The following RBFOX3 variants were observed in gnomAD, a reference collection of about 807,000 sequenced individuals.
The protein encoded by RBFOX3 is RNA binding protein fox-1 homolog 3.
A neutral mutation model predicts 48.7 loss-of-function variants in RBFOX3; 17 were observed. That is an observed-to-expected ratio of 0.35 (90% CI 0.24 to 0.52). The LOEUF is 0.52. Ranked by LOEUF, RBFOX3 falls within the 20% of genes least tolerant of loss-of-function variation. The probability of loss-of-function intolerance (pLI) is 0.94; values close to 1 mark genes in which losing one functional copy is unlikely to be tolerated. For missense variants in RBFOX3, 382 were observed against 497.5 expected, an observed-to-expected ratio of 0.77 and a Z score of 2.21; for synonymous variants, 212 against 209.5, an observed-to-expected ratio of 1.01 and a Z score of -0.10.
rs181517935 is a variant in RBFOX3, at chr17:79,192,563, A to C, written c.-34+43203T>G. Among the ~76,000 whole-genome samples, 16 of 152,244 alleles carry C rather than the reference A, an allele frequency of 1.1e-4. No individual in the cohort carries two copies. In the East Asian group the frequency reaches 3.1e-3, roughly 29 times the overall value. ...CTGATAACCCTCCCAGCTTGGAGGC[A>C]ATAGCTCCTTTTTCTAGGGGTGGAC... On this transcript the variant is annotated intron_variant, in intron 4 of 14. Coordinates refer to ENST00000693108, the MANE Select transcript of RBFOX3 (RefSeq NM_001350451.2).
Position 79,362,079 on chromosome 17 carries a change from T to C in RBFOX3, c.-174-54255A>G, listed in dbSNP as rs1043147793. On this transcript the variant is annotated intron_variant, in intron 2 of 14. Transcript: ENST00000693108. This position sits in a 1 kb window ranked among gnomAD's most constrained non-coding sequence, Gnocchi z 4.2. ...TTACTCAGTCATCAAAGCGCAAATGTGGTGGGTAACAGATCACTCCCTTCG... is the reference window on the plus strand; with the variant it reads ...TTACTCAGTCATCAAAGCGCAAATGCGGTGGGTAACAGATCACTCCCTTCG... Among the ~76,000 whole-genome samples the C allele has an allele frequency of 1.3e-5, 2 of 152,124 alleles. No individual in the cohort carries two copies. The highest frequency in any genetic ancestry group is 2.9e-5 in the Non-Finnish European group (2 of 68,022).
At chr17:79,398,060 C>T (rs968041895) in intron 2 of RBFOX3, among the ~76,000 whole-genome samples, 1 of 152,138 alleles carries the variant, frequency 6.6e-6, no homozygotes. Flanking sequence ...ACTCGGAGCC[C>T]GAACGAGGCT....
chr17:79,119,626 T>A (rs1295860437), intron 4 of RBFOX3, among the ~76,000 whole-genome samples: 1 of 152,180 alleles, frequency 6.6e-6, no homozygotes, highest in African/African-American at 2.4e-5. Flanking sequence ...CTGGTGACTG[T>A]CTGTCCTCTC....
chr17:79,329,178 C>T (rs551085759), intron 2 of RBFOX3, among the ~76,000 whole-genome samples: 29 of 152,238 alleles, frequency 1.9e-4, no homozygotes, highest in Non-Finnish European at 3.4e-4. Context: ...TCCCATGGTG[C>T]TCCTCCCATT....
At chr17:79,629,304 G>C in the RBFOX3 span, among the ~76,000 whole-genome samples, 804 of 152,226 alleles carry the variant, frequency 5.3e-3, 6 homozygotes, top group African/African-American at 0.019. Context: ...CCAAAGCCAG[G>C]GCCACACATG....
chr17:79,567,021 A>G (rs2092479783), intron 1 of RBFOX3, among the ~76,000 whole-genome samples: 1 of 152,086 alleles, frequency 6.6e-6, no homozygotes, highest in Non-Finnish European at 1.5e-5. Context: ...CACTCCTCCT[A>G]TCTAGCTGCA....
chr17:79,517,377 G>A (rs955869024), intron 1 of RBFOX3, among the ~76,000 whole-genome samples: 3,594 of 150,968 alleles, frequency 0.024, 60 homozygotes, highest in African/African-American at 0.042. Context: ...CCCAGGGGGC[G>A]GAGGTTGCAG....
intron 4 of RBFOX3, among the ~76,000 whole-genome samples, chr17:79,158,340 T>G (rs1157885545): frequency 2.6e-5 from 4 of 152,208 alleles, no homozygotes; most frequent in Non-Finnish European, 5.9e-5. Flanking sequence ...AGGCTTCCTA[T>G]GCCCTCTGTG....
At chr17:79,356,355 T>TTTG in intron 2 of RBFOX3, among the ~76,000 whole-genome samples, 1 of 51,032 alleles carries the variant, frequency 2.0e-5, no homozygotes, top group Non-Finnish European at 3.5e-5. Context: ...GAAGTTTTTT[T>TTTG]TTTTTTTTTT....
intron 1 of RBFOX3, among the ~76,000 whole-genome samples, chr17:79,506,134 G>A (rs376560689): frequency 0.38 from 57,980 of 152,110 alleles, 11,617 homozygotes; most frequent in East Asian, 0.62. Flanking sequence ...AGAGAGATGA[G>A]GAAATTGATA....
intron 3 of RBFOX3, among the ~76,000 whole-genome samples, chr17:79,285,713 TC>T (rs5822286): frequency 0.51 from 77,412 of 151,932 alleles, 20,056 homozygotes; most frequent in African/African-American, 0.57. Context: ...AGATGGAGTC[TC>T]GCTCTGTCAC....
rs924516006 is a variant in RBFOX3 at position 79,481,345 on chromosome 17, G to T, written c.-175+1109C>A. Among the ~76,000 whole-genome samples the T allele has an allele frequency of 1.8e-4, 28 of 152,120 alleles. No homozygotes were observed. The highest frequency in any genetic ancestry group is 3.7e-4 in the Non-Finnish European group (25 of 68,018). On this transcript the variant is annotated intron_variant, in intron 2 of 14. Coordinates refer to ENST00000693108, the MANE Select transcript of RBFOX3 (RefSeq NM_001350451.2). The surrounding 1 kb of genome is among the most constrained non-coding windows in gnomAD (Gnocchi z 5.4). ...TGCATTGTCTATCAGCAGGGAATGG[G>T]GCTGCACTGAACCTCATGGGGGTTT...
chr17:79,578,543 C>T (rs2092937925), intron 1 of RBFOX3, among the ~76,000 whole-genome samples: 1 of 152,224 alleles, frequency 6.6e-6, no homozygotes, highest in Non-Finnish European at 1.5e-5. Context: ...GAGGTGAAGG[C>T]CTGGACGGGC....
In RBFOX3 at chr17:79,242,210, G is replaced by A. The variant is rs1042621306; in HGVS notation, c.-73-6405C>T. On this transcript the variant is annotated intron_variant, in intron 3 of 14. Coordinates refer to ENST00000693108, the MANE Select transcript of RBFOX3 (RefSeq NM_001350451.2). The surrounding 1 kb of genome is among the most constrained non-coding windows in gnomAD (Gnocchi z 5.8). ...GCGTGCTGCTGCTGCTGGTGGAGGG[G>A]GTGCTACCTGAGGAGCCCCGGGGTG... Among the ~76,000 whole-genome samples the A allele has an allele frequency of 5.3e-5, 8 of 152,106 alleles. No homozygotes were observed. The highest frequency in any genetic ancestry group is 1.2e-4 in the Non-Finnish European group (8 of 68,018).
At chr17:79,504,792 T>A (rs998523993) in intron 1 of RBFOX3, among the ~76,000 whole-genome samples, 1 of 152,174 alleles carries the variant, frequency 6.6e-6, no homozygotes, top group Admixed American at 6.5e-5. Flanking sequence ...TAAAGTAACA[T>A]CCATCGGCTC....
In RBFOX3 at chr17:79,477,382, C is replaced by T. The variant is rs1385500469; in HGVS notation, c.-175+5072G>A. ...TCATCCTGGCTAACACGGTGAAACC[C>T]CGTCTCTACTAAAAATACAAAACAT... On this transcript the variant is annotated intron_variant, in intron 2 of 14. Coordinates refer to ENST00000693108, the MANE Select transcript of RBFOX3 (RefSeq NM_001350451.2). This position sits in a 1 kb window ranked among gnomAD's most constrained non-coding sequence, Gnocchi z 4.8. 6.6e-5 allele frequency among the ~76,000 whole-genome samples: 10 copies of T among 151,690 alleles called. No individual in the cohort carries two copies. The highest frequency in any genetic ancestry group is 1.3e-4 in the Non-Finnish European group (9 of 67,934).
At chr17:79,420,905 T>C (rs891466618) in intron 2 of RBFOX3, among the ~76,000 whole-genome samples, 6 of 152,110 alleles carry the variant, frequency 3.9e-5, no homozygotes, top group Non-Finnish European at 7.4e-5. Context: ...TCAGCTGACC[T>C]CTAGAAAGCC....
intron 2 of RBFOX3, among the ~76,000 whole-genome samples, chr17:79,360,680 C>T (rs2086161472): frequency 6.6e-6 from 1 of 152,118 alleles, no homozygotes; most frequent in South Asian, 2.1e-4. Context: ...AGATTTCCCT[C>T]CGCCATCTGT....
At chr17:79,620,478 C>T in the RBFOX3 span, among the ~76,000 whole-genome samples, 1 of 146,336 alleles carries the variant, frequency 6.8e-6, no homozygotes, top group African/African-American at 2.6e-5. Context: ...CACGTGCACA[C>T]ACGCACGTGC....
Sources: allele counts gnomAD v4.1 joint callset (sites outside exome capture counted in the v4.1 genomes callset), GRCh38; gene constraint gnomAD v4.1.1; non-coding constraint Gnocchi (gnomAD v3.1); transcripts MANE v1.5; gene names NCBI Gene and HGNC (gene_info 2026-07-23, HGNC 2026-07-21).